The following MARCHF1 variants were observed in gnomAD, a reference collection of about 807,000 sequenced individuals.
MARCHF1 encodes the protein E3 ubiquitin-protein ligase MARCHF1.
Under a neutral mutation model 54.2 loss-of-function variants are expected in MARCHF1, and 40 were observed. The observed-to-expected ratio is 0.74, with a 90% confidence interval of 0.57 to 0.96. The LOEUF (loss-of-function observed/expected upper bound fraction) is 0.96. MARCHF1 is among the 40% of genes least tolerant of loss of function. The probability of loss-of-function intolerance (pLI) is 0.00; values close to 1 mark genes in which losing one functional copy is unlikely to be tolerated. For synonymous variants in MARCHF1, 236 were observed against 236.3 expected (o/e 1.00, Z 0.01); for missense variants, 586 against 656.5 (o/e 0.89, Z 1.17).
chr4:163,871,891 A>T (rs1750177048), intron 3 of MARCHF1, among the ~76,000 whole-genome samples: 2 of 152,208 alleles, frequency 1.3e-5, no homozygotes, highest in African/African-American at 2.4e-5. Flanking sequence ...TTTTTATTAC[A>T]ATTAATAATT....
intron 1 of MARCHF1, among the ~76,000 whole-genome samples, chr4:164,146,907 T>G (rs1164717615): frequency 6.8e-6 from 1 of 148,100 alleles, no homozygotes; most frequent in African/African-American, 2.5e-5. Flanking sequence ...TGGGAGAAAA[T>G]TTTTGCAACC....
intron 8 of MARCHF1, among the ~76,000 whole-genome samples, chr4:163,573,424 C>T (rs1394627530): frequency 6.6e-6 from 1 of 151,002 alleles, no homozygotes; most frequent in Non-Finnish European, 1.5e-5. Flanking sequence ...AACTCGTCAT[C>T]TAGCATTAGG....
At chr4:164,053,234 T>A (rs994789697) in intron 2 of MARCHF1, among the ~76,000 whole-genome samples, 1 of 151,500 alleles carries the variant, frequency 6.6e-6, no homozygotes, top group Admixed American at 6.6e-5. Flanking sequence ...TATCCTGAAG[T>A]TTTTTTTTAA....
intron 3 of MARCHF1, among the ~76,000 whole-genome samples, chr4:163,877,357 C>T (rs897301205): frequency 2.0e-5 from 3 of 152,058 alleles, no homozygotes; most frequent in Non-Finnish European, 4.4e-5. Context: ...TCTCAACCCT[C>T]ATTGCACATC....
intron 1 of MARCHF1, among the ~76,000 whole-genome samples, chr4:164,270,774 A>G (rs1194869248): frequency 6.6e-6 from 1 of 152,176 alleles, no homozygotes; most frequent in Non-Finnish European, 1.5e-5. Flanking sequence ...ATTTTCATGT[A>G]TAAAACACTA....
intron 5 of MARCHF1, among the ~76,000 whole-genome samples, chr4:163,625,059 A>C (rs760985934): frequency 2.0e-5 from 3 of 152,192 alleles, no homozygotes; most frequent in Non-Finnish European, 4.4e-5. Flanking sequence ...TTCTGGTATT[A>C]ACTTCAGCAA....
At chr4:164,296,404 G>A (rs1055728660) in intron 1 of MARCHF1, among the ~76,000 whole-genome samples, 4 of 152,032 alleles carry the variant, frequency 2.6e-5, no homozygotes, top group Non-Finnish European at 4.4e-5. Context: ...AGCGAGTCTC[G>A]CTCTGTCACC....
intron 4 of MARCHF1, among the ~76,000 whole-genome samples, chr4:163,764,903 C>A (rs1264194291): frequency 6.6e-6 from 1 of 152,006 alleles, no homozygotes. Flanking sequence ...TTAAACACAG[C>A]CATTACTCAG....
chr4:164,363,010 C>A (rs900299547), intron 1 of MARCHF1, among the ~76,000 whole-genome samples: 3 of 152,076 alleles, frequency 2.0e-5, no homozygotes, highest in Non-Finnish European at 4.4e-5. Flanking sequence ...TAGTCTGCAA[C>A]AGTCCAACAA....
rs879517116 is a variant in MARCHF1, at chr4:163,620,649, A to ACG, written c.163-7258_163-7257dup. Among the ~76,000 whole-genome samples the ACG allele has an allele frequency of 4.3e-3, 645 of 148,506 alleles. 2 individuals carry two copies. Among genetic ancestry groups the ACG allele is most frequent in the South Asian group, 6.7e-3 (31 of 4,652 alleles). ...GAGAGAGAGAGAGAGAGAGAGAGAC[A>ACG]CGCACACACACACACACATTTATAG... On this transcript the variant is annotated intron_variant, in intron 5 of 9. Transcript: ENST00000514618.
chr4:164,085,390 G>A (rs1755173438), intron 2 of MARCHF1, among the ~76,000 whole-genome samples: 1 of 151,674 alleles, frequency 6.6e-6, no homozygotes, highest in African/African-American at 2.4e-5. Flanking sequence ...GAGATTTTCA[G>A]CACTTTAAAA....
intron 3 of MARCHF1, among the ~76,000 whole-genome samples, chr4:163,901,045 A>G (rs1750929048): frequency 6.6e-6 from 1 of 152,210 alleles, no homozygotes; most frequent in Non-Finnish European, 1.5e-5. Flanking sequence ...AACTTTATGC[A>G]CATTGGTGAG....
At chr4:164,255,889 T>C (rs1226661864) in intron 1 of MARCHF1, among the ~76,000 whole-genome samples, 1 of 152,102 alleles carries the variant, frequency 6.6e-6, no homozygotes, top group Non-Finnish European at 1.5e-5. Context: ...ATGAATGACA[T>C]AATAAACTTA....
At chr4:164,309,334 C>T (rs188860653) in intron 1 of MARCHF1, among the ~76,000 whole-genome samples, 284 of 151,716 alleles carry the variant, frequency 1.9e-3, no homozygotes, top group Non-Finnish European at 3.2e-3. Flanking sequence ...GTCTGCATGT[C>T]TGCTTTGCGC....
At chr4:164,178,963 G>T (rs1186017643) in intron 1 of MARCHF1, among the ~76,000 whole-genome samples, 1 of 152,126 alleles carries the variant, frequency 6.6e-6, no homozygotes, top group Non-Finnish European at 1.5e-5. Flanking sequence ...ACCCCGAGAT[G>T]AAATGATACT....
chr4:164,268,522 G>T (rs1297095984), intron 1 of MARCHF1, among the ~76,000 whole-genome samples: 1 of 152,072 alleles, frequency 6.6e-6, no homozygotes, highest in Non-Finnish European at 1.5e-5. Flanking sequence ...CTATAAGCTT[G>T]GGTTCTGTGC....
At chr4:163,693,893 G>GT (rs1248550268) in intron 5 of MARCHF1, among the ~76,000 whole-genome samples, 1 of 152,086 alleles carries the variant, frequency 6.6e-6, no homozygotes, top group Non-Finnish European at 1.5e-5. Context: ...GCATATTTTC[G>GT]TTTACCCACA....
chr4:163,734,694 A>G (rs147009620), intron 4 of MARCHF1, among the ~76,000 whole-genome samples: 48 of 152,252 alleles, frequency 3.2e-4, no homozygotes, highest in African/African-American at 1.1e-3. Flanking sequence ...GGGATAGGGT[A>G]GAGGAATTGT....
At chr4:163,710,925 C>T (rs1050311613) in intron 4 of MARCHF1, among the ~76,000 whole-genome samples, 11 of 151,924 alleles carry the variant, frequency 7.2e-5, no homozygotes, top group African/African-American at 2.7e-4. Context: ...TAGTGTAACA[C>T]TTGTTGAACC....
Sources: allele counts gnomAD v4.1 joint callset (sites outside exome capture counted in the v4.1 genomes callset), GRCh38; gene constraint gnomAD v4.1.1; transcripts MANE v1.5; gene names NCBI Gene and HGNC (gene_info 2026-07-23, HGNC 2026-07-21).